Variants in CALN1 observed in about 807,000 individuals in gnomAD.
The protein encoded by CALN1 is calneuron 1.
In CALN1, 17 loss-of-function variants were observed where a neutral mutation model predicts 30.6. The ratio of observed to expected loss-of-function variants is 0.56; its 90% CI spans 0.38 to 0.83. CALN1 has a LOEUF of 0.83. Among genes scored for constraint, CALN1 ranks in the 40% least tolerant of loss-of-function variants. CALN1 has a pLI of 0.00. For missense variants in CALN1, 291 were observed against 354.9 expected, an observed-to-expected ratio of 0.82 and a Z score of 1.45; for synonymous variants, 156 against 131.4, an observed-to-expected ratio of 1.19 and a Z score of -1.28.
chr7:72,258,558 C>T (rs1042000550), intron 3 of CALN1, among the ~76,000 whole-genome samples: 1 of 152,120 alleles, frequency 6.6e-6, no homozygotes, highest in South Asian at 2.1e-4. Flanking sequence ...CTTTCTGATA[C>T]GGGATTTTGG....
intron 2 of CALN1, among the ~76,000 whole-genome samples, chr7:72,354,306 A>C (rs529066818): frequency 1.2e-4 from 19 of 152,340 alleles, no homozygotes; most frequent in South Asian, 1.0e-3. Flanking sequence ...AGATTAAAGA[A>C]GACCAAAAAT....
In CALN1 at chr7:72,422,293, A is replaced by G. The variant is rs191779310; in HGVS notation, c.-225-10018T>C. On this transcript the variant is annotated intron_variant, in intron 1 of 6. Coordinates refer to the CALN1 transcript ENST00000395276. ...TTTCACCACATCAATGCCAACGTCT[A>G]TTGTTTTTTGACTTTTTAATTTTGA... is the stretch of plus-strand genomic sequence containing the variant. 1.5e-3 allele frequency among the ~76,000 whole-genome samples: 223 copies of G among 152,246 alleles called. 2 individuals carry two copies. Among genetic ancestry groups the G allele is most frequent in the African/African-American group, 5.2e-3 (214 of 41,548 alleles).
intron 3 of CALN1, among the ~76,000 whole-genome samples, chr7:72,179,773 G>A (rs937708278): frequency 1.3e-5 from 2 of 151,824 alleles, no homozygotes; most frequent in African/African-American, 4.8e-5. Flanking sequence ...GCACTTCTCA[G>A]ACATCATGTC....
chr7:72,322,976 G>T lies in CALN1; in HGVS notation c.120-44166C>A, dbSNP rs536088554. Among the ~76,000 whole-genome samples, 97 of 148,872 alleles carry T rather than the reference G, an allele frequency of 6.5e-4. No homozygotes were observed. The Middle Eastern group carries it at 0.017, about 26-fold the overall frequency. ...TTTAAATAAATAAATATCCTGGGTG[G>T]AGTGGGAACAGAAAAAGGACAGGGG... On this transcript the variant is annotated intron_variant, in intron 2 of 6. Coordinates refer to ENST00000395275, the MANE Select transcript of CALN1 (RefSeq NM_031468.4).
chr7:72,322,901 A>G (rs1157216807), intron 2 of CALN1, among the ~76,000 whole-genome samples: 2 of 152,096 alleles, frequency 1.3e-5, no homozygotes, highest in Middle Eastern at 3.4e-3. Context: ...GCCTGTATCA[A>G]AATATCTCAT....
the CALN1 span, among the ~76,000 whole-genome samples, chr7:72,479,159 C>T: frequency 1.3e-5 from 2 of 152,108 alleles, no homozygotes; most frequent in Admixed American, 1.3e-4. Flanking sequence ...AGATTACAGG[C>T]GTGAGCCACT....
At chr7:72,027,196 T>C (rs970107970) in intron 4 of CALN1, among the ~76,000 whole-genome samples, 6 of 152,030 alleles carry the variant, frequency 3.9e-5, no homozygotes, top group African/African-American at 1.2e-4. Flanking sequence ...AAAATGCATA[T>C]CTGAAAAGGT....
Position 71,810,327 on chromosome 7 carries a change from G to A in CALN1, c.658+9C>T. 2 of 1,612,928 alleles carry A rather than the reference G, an allele frequency of 1.2e-6. No individual in the cohort carries two copies. Among genetic ancestry groups the A allele is most frequent in the Non-Finnish European group, 1.7e-6 (2 of 1,179,446 alleles). On this transcript the variant is annotated intron_variant, in intron 6 of 6. Coordinates refer to ENST00000395275, the MANE Select transcript of CALN1 (RefSeq NM_031468.4). The stretch of plus-strand genomic sequence containing the variant: ...GGACCGGGGAGGGGATGGCAGCAGG[G>A]GCACCTACCTCCTTCAAACTCTGTT...
chr7:72,262,740 G>A (rs1283501622), intron 3 of CALN1, among the ~76,000 whole-genome samples: 1 of 152,226 alleles, frequency 6.6e-6, no homozygotes, highest in South Asian at 2.1e-4. Context: ...TTTTCTTTAA[G>A]AGGATCCTGG....
intron 3 of CALN1, among the ~76,000 whole-genome samples, chr7:72,211,451 G>A (rs1379194464): frequency 6.6e-6 from 1 of 152,090 alleles, no homozygotes; most frequent in Non-Finnish European, 1.5e-5. Context: ...CAAGAAAGGA[G>A]AGATCACATG....
At chr7:71,931,351 C>T (rs1795541064) in intron 5 of CALN1, among the ~76,000 whole-genome samples, 1 of 152,036 alleles carries the variant, frequency 6.6e-6, no homozygotes, top group South Asian at 2.1e-4. Context: ...CTGCAACCTC[C>T]GTCTCCTGGC....
intron 2 of CALN1, among the ~76,000 whole-genome samples, chr7:72,395,959 C>T (rs940808104): frequency 6.6e-6 from 1 of 152,134 alleles, no homozygotes; most frequent in Admixed American, 6.5e-5. Context: ...TTTTAACTCA[C>T]CAGATACATT....
intron 2 of CALN1, among the ~76,000 whole-genome samples, chr7:72,368,885 G>A (rs1178936407): frequency 7.2e-6 from 1 of 139,732 alleles, no homozygotes; most frequent in Non-Finnish European, 1.5e-5. Flanking sequence ...CACAATCTCA[G>A]TTCACTGCAA....
intron 3 of CALN1, among the ~76,000 whole-genome samples, chr7:72,219,963 T>C (rs1444060269): frequency 6.6e-6 from 1 of 152,006 alleles, no homozygotes; most frequent in African/African-American, 2.4e-5. Flanking sequence ...TCAACCTCAC[T>C]AGTAGTCAAA....
chr7:72,245,979 G>T (rs902913648), intron 3 of CALN1, among the ~76,000 whole-genome samples: 1 of 152,164 alleles, frequency 6.6e-6, no homozygotes, highest in African/African-American at 2.4e-5. Flanking sequence ...TTGAAAAAAG[G>T]TCACTATGAA....
chr7:72,362,622 A>C (rs750009497), intron 2 of CALN1, among the ~76,000 whole-genome samples: 1 of 151,850 alleles, frequency 6.6e-6, no homozygotes, highest in Non-Finnish European at 1.5e-5. Context: ...ACACTCTTTT[A>C]CCGCAAGTTC....
chr7:72,198,426 C>G (rs547130261), intron 3 of CALN1, among the ~76,000 whole-genome samples: 89 of 152,294 alleles, frequency 5.8e-4, no homozygotes, highest in African/African-American at 1.9e-3. Flanking sequence ...TCACTGTTAT[C>G]AAGCCATACC....
chr7:71,945,810 TAATAGA>T (rs907681031), intron 5 of CALN1, among the ~76,000 whole-genome samples: 1 of 152,332 alleles, frequency 6.6e-6, no homozygotes, highest in African/African-American at 2.4e-5. Flanking sequence ...AATGTAATAA[TAATAGA>T]AATAAAGTAC....
At chr7:72,269,038 TG>T (rs967257894) in intron 3 of CALN1, among the ~76,000 whole-genome samples, 12 of 152,226 alleles carry the variant, frequency 7.9e-5, no homozygotes, top group African/African-American at 2.9e-4. Flanking sequence ...GCTCTCTGCC[TG>T]GGGACAATTT....
Sources: allele counts gnomAD v4.1 joint callset (sites outside exome capture counted in the v4.1 genomes callset), GRCh38; gene constraint gnomAD v4.1.1; transcripts MANE v1.5; gene names NCBI Gene and HGNC (gene_info 2026-07-23, HGNC 2026-07-21).